The following BPI variants were observed in gnomAD, a reference collection of about 807,000 sequenced individuals.
BPI encodes the protein bactericidal permeability-increasing protein.
In BPI, 48 loss-of-function variants were observed where a neutral mutation model predicts 57.6. The observed-to-expected ratio is 0.83, with a 90% confidence interval of 0.66 to 1.06. BPI has a LOEUF of 1.06. Ranked by LOEUF, BPI falls within the 50% of genes least tolerant of loss-of-function variation. The probability of loss-of-function intolerance (pLI) is 0.00; values close to 1 mark genes in which losing one functional copy is unlikely to be tolerated. For synonymous variants in BPI, 237 were observed against 238.2 expected (o/e 0.99, Z 0.05); for missense variants, 651 against 609.7 (o/e 1.07, Z -0.71).
chr20:38,330,075 T>TA (rs567634389), intron 11 of BPI, among the ~76,000 whole-genome samples: 121 of 152,206 alleles, frequency 7.9e-4, no homozygotes, highest in African/African-American at 2.8e-3. Context: ...ACAAAATTTT[T>TA]AAAAATTAGC....
rs570718035 is a variant in BPI, at chr20:38,337,307, G to C, written c.*123G>C. The C allele has an allele frequency of 1.3e-6, 1 of 780,702 alleles. No homozygotes were observed. The highest frequency in any genetic ancestry group is 2.9e-5 in the East Asian group (1 of 35,066). 48.4% of individuals were successfully genotyped at this position (780,702 alleles called of 1,614,324 possible). ...CCAAGAGCCCCTTGCAAACTTCTTC[G>C]ACTCAGATTCAGAAATGATCTAAAC... On this transcript the variant is annotated 3_prime_UTR_variant, in exon 15 of 15. Transcript: ENST00000642449.
At chr20:38,335,035 C>T (rs2076760415) in intron 13 of BPI, among the ~76,000 whole-genome samples, 2 of 152,124 alleles carry the variant, frequency 1.3e-5, no homozygotes, top group African/African-American at 2.4e-5. Context: ...ATATTTAGAA[C>T]TTACCAATTA....
intron 7 of BPI, 73 bp downstream of exon 7, chr20:38,320,347 A>C: frequency 7.3e-7 from 1 of 1,376,444 alleles, no homozygotes; most frequent in Non-Finnish European, 1.0e-6. Flanking sequence ...CAGTCCTTGG[A>C]AACAAACTTA....
At chr20:38,336,378 C>T (rs1450293447) in intron 14 of BPI, among the ~76,000 whole-genome samples, 1 of 152,066 alleles carries the variant, frequency 6.6e-6, no homozygotes, top group Non-Finnish European at 1.5e-5. Context: ...GACATGCTTC[C>T]AGTCTTTTTA....
At chr20:38,327,471 A>C in intron 10 of BPI, 117 bp from the exon 11 acceptor site, 1 of 1,096,514 alleles carries the variant, frequency 9.1e-7, no homozygotes, top group Non-Finnish European at 1.3e-6. Flanking sequence ...TGTGGGCCTG[A>C]CCCCACAGTG....
intron 2 of BPI, among the ~76,000 whole-genome samples, chr20:38,307,986 C>T (rs886291170): frequency 1.3e-5 from 2 of 152,214 alleles, no homozygotes; most frequent in African/African-American, 4.8e-5. Flanking sequence ...CATTGGCTCA[C>T]ATGGCCGGAA....
chr20:38,337,279 T>C lies in BPI; in HGVS notation c.*95T>C. 1.8e-6 allele frequency: 2 copies of C among 1,083,188 alleles called. No homozygotes were observed. Among genetic ancestry groups the C allele is most frequent in the Non-Finnish European group, 1.3e-6 (1 of 747,416 alleles). 67.1% of individuals were successfully genotyped at this position (1,083,188 alleles called of 1,614,324 possible). A position where few individuals can be genotyped will look rare whatever the true frequency, so the allele number is the denominator to read the frequency against. ...TCCCCAGGGAATCCTCTCCAGATCT[T>C]AACCAAGAGCCCCTTGCAAACTTCT... On this transcript the variant is annotated 3_prime_UTR_variant, in exon 15 of 15. Transcript: ENST00000642449.
At chr20:38,310,386 C>T in intron 3 of BPI, 105 bp from the exon 4 acceptor site, 1 of 1,366,080 alleles carries the variant, frequency 7.3e-7, no homozygotes, top group Admixed American at 1.9e-5. Flanking sequence ...ACCTCCTCAC[C>T]TGGAGTGGGG....
Position 38,337,226 on chromosome 20 carries a change from T to A in BPI, c.*42T>A, listed in dbSNP as rs767514618. 1.1e-5 allele frequency: 17 copies of A among 1,536,726 alleles called. No homozygotes were observed. Among genetic ancestry groups the A allele is most frequent in the Non-Finnish European group, 1.4e-5 (16 of 1,135,826 alleles). ...GGGGGCTGTCAGCCACACCTGTTCCTGATGGGCTGTGGGGCACCGGCTGCC... is the reference window on the plus strand; with the variant it reads ...GGGGGCTGTCAGCCACACCTGTTCCAGATGGGCTGTGGGGCACCGGCTGCC... On this transcript the variant is annotated 3_prime_UTR_variant, in exon 15 of 15. Coordinates refer to ENST00000642449, the MANE Select transcript of BPI (RefSeq NM_001725.3).
intron 7 of BPI, among the ~76,000 whole-genome samples, chr20:38,323,425 T>G (rs1461757598): frequency 1.3e-5 from 2 of 152,250 alleles, no homozygotes; most frequent in South Asian, 2.1e-4. Context: ...ACAATTTTCC[T>G]CTTTTCCCAT....
Position 38,335,591 on chromosome 20 carries a change from G to C in BPI, c.1337-7G>C, listed in dbSNP as rs374972695. On this transcript the variant is annotated splice_polypyrimidine_tract_variant and splice_region_variant and intron_variant, in intron 13 of 14. Transcript: ENST00000642449. Reference sequence around the variant, plus strand: ...CTCCTGGTCCTCACCATCGGTCTCTGTCACAGAGAAACTACAGAAAGGCTT... The same window carrying C: ...CTCCTGGTCCTCACCATCGGTCTCTCTCACAGAGAAACTACAGAAAGGCTT... 1.9e-5 allele frequency: 30 copies of C among 1,613,578 alleles called. No homozygotes were observed. The African/African-American group carries it at 3.3e-4, about 18-fold the overall frequency.
At chr20:38,332,215 T>C (rs2076746396) in intron 12 of BPI, among the ~76,000 whole-genome samples, 1 of 152,156 alleles carries the variant, frequency 6.6e-6, no homozygotes, top group African/African-American at 2.4e-5. Context: ...GCACAGGCAG[T>C]GAGAAGCCGG....
Position 38,309,010 on chromosome 20 carries a change from A to G in BPI, c.326A>G (p.Asn109Ser), listed in dbSNP as rs766404691. The G allele has an allele frequency of 6.2e-6, 10 of 1,614,118 alleles. No homozygotes were observed. The highest frequency in any genetic ancestry group is 6.8e-6 in the Non-Finnish European group (8 of 1,180,052). ...PNVGLKFSIS[N>S]ANIKISGKWK... Reference sequence around the variant, plus strand: ...GTGGGCCTTAAGTTCTCCATCAGCAACGCCAATATCAAGATCAGCGGGAAA... The same window carrying G: ...GTGGGCCTTAAGTTCTCCATCAGCAGCGCCAATATCAAGATCAGCGGGAAA... Residue 109 changes from asparagine (N) to serine (S), a missense_variant, in exon 3 of 15, where the codon AAC (asparagine) becomes AGC (serine). Transcript: ENST00000642449.
chr20:38,330,235 C>T (rs73285043), intron 11 of BPI, among the ~76,000 whole-genome samples: 1 of 152,012 alleles, frequency 6.6e-6, no homozygotes, highest in Non-Finnish European at 1.5e-5. Context: ...CTAGTGAGAC[C>T]CCATCTCAAA....
chr20:38,329,566 G>C (rs1300725418), intron 11 of BPI, among the ~76,000 whole-genome samples: 2 of 152,208 alleles, frequency 1.3e-5, no homozygotes, highest in Non-Finnish European at 2.9e-5. Flanking sequence ...GAATATGCAG[G>C]GGATGGGGAT....
chr20:38,312,532 T>C (rs2076626721), intron 5 of BPI, among the ~76,000 whole-genome samples: 1 of 152,228 alleles, frequency 6.6e-6, no homozygotes, highest in Non-Finnish European at 1.5e-5. Context: ...TTTTTAAGAA[T>C]CATCTGAGCC....
In BPI at chr20:38,324,844, C is replaced by G; in HGVS notation, c.993+11C>G. ...ACCTTCCTACCTGAGGTATGGAAGA[C>G]CTTGCTTTCCTTTAGTGAGCCCCGG... On this transcript the variant is annotated intron_variant, in intron 9 of 14. Transcript: ENST00000642449. The G allele has an allele frequency of 6.2e-7, 1 of 1,606,680 alleles. No individual in the cohort carries two copies. The highest frequency in any genetic ancestry group is 8.5e-7 in the Non-Finnish European group (1 of 1,173,310).
At chr20:38,326,495 G>C in intron 10 of BPI, 63 bp downstream of exon 10, 1 of 1,493,248 alleles carries the variant, frequency 6.7e-7, no homozygotes, top group Non-Finnish European at 9.0e-7. Context: ...ACTGTCTTTG[G>C]AGTCAGGAGA....
chr20:38,314,829 T>C (rs963122996), intron 5 of BPI, among the ~76,000 whole-genome samples: 2 of 147,938 alleles, frequency 1.4e-5, no homozygotes, highest in Non-Finnish European at 3.0e-5. Context: ...GGGATGATGA[T>C]AATGGTGATG....
Sources: gnomAD v4.1 joint callset for allele counts (sites outside exome capture counted in the v4.1 genomes callset) on GRCh38, gnomAD v4.1.1 for gene constraint, MANE v1.5 for transcripts, NCBI Gene and HGNC (gene_info 2026-07-23, HGNC 2026-07-21) for gene names.